The following DPH6 variants were observed in gnomAD, a reference collection of about 807,000 sequenced individuals.
DPH6 encodes the protein diphthine--ammonia ligase.
DPH6 carries 33 observed loss-of-function variants against 38.2 expected under a neutral mutation model. The ratio of observed to expected loss-of-function variants is 0.86; its 90% CI spans 0.65 to 1.15. DPH6 has a LOEUF of 1.15. Among genes scored for constraint, DPH6 ranks in the 50% most tolerant of loss-of-function variants. DPH6 has a pLI of 0.00. For synonymous variants in DPH6, 108 were observed against 103.0 expected (o/e 1.05, Z -0.30); for missense variants, 325 against 320.0 (o/e 1.02, Z -0.12).
intron 6 of DPH6, among the ~76,000 whole-genome samples, chr15:35,387,192 T>A (rs1473217458): frequency 6.6e-6 from 1 of 152,156 alleles, no homozygotes; most frequent in Non-Finnish European, 1.5e-5. Context: ...TTCTGTTCCA[T>A]TGGTCTATAT....
At chr15:35,482,741 C>T (rs2054343352) in intron 3 of DPH6, among the ~76,000 whole-genome samples, 2 of 151,988 alleles carry the variant, frequency 1.3e-5, no homozygotes, top group African/African-American at 4.8e-5. Flanking sequence ...AAGGTAAGAG[C>T]TAAAACTACA....
intron 3 of DPH6, among the ~76,000 whole-genome samples, chr15:35,492,337 G>A (rs1184396140): frequency 1.3e-5 from 2 of 152,086 alleles, no homozygotes; most frequent in African/African-American, 4.8e-5. Flanking sequence ...ATATGGGCAT[G>A]AAATTCACTA....
At chr15:35,256,019 T>C (rs1440150007) in intron 3 of DPH6, among the ~76,000 whole-genome samples, 1 of 151,956 alleles carries the variant, frequency 6.6e-6, no homozygotes, top group Non-Finnish European at 1.5e-5. Context: ...TACACACCTA[T>C]ATAACATATA....
chr15:35,538,274 C>T lies in DPH6; in HGVS notation c.312G>A (p.Lys104=). The T allele has an allele frequency of 6.5e-7, 1 of 1,531,750 alleles. No homozygotes were observed. The highest frequency in any genetic ancestry group is 8.9e-7 in the Non-Finnish European group (1 of 1,122,918). 94.9% of individuals were successfully genotyped at this position (1,531,750 alleles called of 1,614,324 possible). ...EDLYELLKLV[K]EKEEVEGISV... Reference sequence around the variant, plus strand: ...ATACTTAATTGGTTACTCTGCATACCTTAACAAGTTTCAAAAGCTCATAGA... The same window carrying T: ...ATACTTAATTGGTTACTCTGCATACTTTAACAAGTTTCAAAAGCTCATAGA... The change falls in exon 3 of 9, where the codon AAG becomes AAA. Residue 104 remains lysine, a splice_region_variant and synonymous_variant. Transcript: ENST00000256538.
chr15:35,529,573 A>G (rs372874476), intron 3 of DPH6, among the ~76,000 whole-genome samples: 3 of 152,182 alleles, frequency 2.0e-5, no homozygotes, highest in African/African-American at 4.8e-5. Context: ...CTGAACTCCC[A>G]TAACCCTTTA....
chr15:35,299,763 TAA>T (rs1176817073), intron 3 of DPH6, among the ~76,000 whole-genome samples: 3 of 152,358 alleles, frequency 2.0e-5, no homozygotes, highest in African/African-American at 4.8e-5. Context: ...TCTCTATCAC[TAA>T]GTCTCGACTT....
intron 3 of DPH6, among the ~76,000 whole-genome samples, chr15:35,460,903 T>TAAA (rs549293460): frequency 0.63 from 71,532 of 114,310 alleles, 24,775 homozygotes; most frequent in South Asian, 0.8. Flanking sequence ...CACAAACTGG[T>TAAA]AAAAAAAAAA....
Position 35,268,884 on chromosome 15 carries a change from AT to A in DPH6, n.201-48303del, listed in dbSNP as rs1329511370. ...AGGTAGGAAGAGGGCAGGAAAGACC[AT>A]TAGGCAGAGGAGAATCAAATATAAT... On this transcript the variant is annotated intron_variant and non_coding_transcript_variant, in intron 3 of 3. Coordinates refer to the DPH6 transcript ENST00000560386. 1.3e-5 allele frequency among the ~76,000 whole-genome samples: 2 copies of A among 152,222 alleles called. 1 individual carries two copies. Among genetic ancestry groups the A allele is most frequent in the Non-Finnish European group, 2.9e-5 (2 of 68,038 alleles).
the DPH6 span, among the ~76,000 whole-genome samples, chr15:35,158,366 T>C: frequency 2.0e-5 from 3 of 152,122 alleles, no homozygotes; most frequent in Admixed American, 1.3e-4. Flanking sequence ...CATTTGCTAA[T>C]GGTTTTCATG....
At chr15:35,155,863 C>G in the DPH6 span, among the ~76,000 whole-genome samples, 2 of 152,138 alleles carry the variant, frequency 1.3e-5, no homozygotes, top group East Asian at 3.9e-4. Flanking sequence ...AAGTAGACCA[C>G]TATTTTTTAA....
chr15:35,285,818 G>C lies in DPH6; in HGVS notation n.201-65236C>G, dbSNP rs139380334. Among the ~76,000 whole-genome samples the C allele has an allele frequency of 3.6e-4, 49 of 137,558 alleles. 1 individual carries two copies. The East Asian group carries it at 0.01, about 29-fold the overall frequency. The allele number at this position is 137,558 out of a possible 152,430, so 90.2% of individuals were successfully genotyped here. On this transcript the variant is annotated intron_variant and non_coding_transcript_variant, in intron 3 of 3. Coordinates refer to the DPH6 transcript ENST00000560386. ...GAAATATCTAGACTAGATTTCTCTG[G>C]CACATTCTTCCTGATGAGATTCTGG...
chr15:35,277,421 C>T lies in DPH6; in HGVS notation n.201-56839G>A, dbSNP rs536136490. Among the ~76,000 whole-genome samples the T allele has an allele frequency of 2.6e-5, 4 of 152,218 alleles. No individual in the cohort carries two copies. In the East Asian group the frequency reaches 7.7e-4, roughly 29 times the overall value. ...TGATTTGGATGCCTTTTATTTCCCC[C>T]TCTTGTCTGACTGCTCTCCAGCCTC... On this transcript the variant is annotated intron_variant and non_coding_transcript_variant, in intron 3 of 3. Transcript: ENST00000560386.
At chr15:35,252,692 CT>C (rs2051682893) in intron 3 of DPH6, among the ~76,000 whole-genome samples, 1 of 152,250 alleles carries the variant, frequency 6.6e-6, no homozygotes, top group South Asian at 2.1e-4. Flanking sequence ...GGTCTATGGT[CT>C]TGCCTAAGGG....
At chr15:35,507,361 T>C (rs1233894992) in intron 3 of DPH6, among the ~76,000 whole-genome samples, 1 of 152,018 alleles carries the variant, frequency 6.6e-6, no homozygotes, top group Non-Finnish European at 1.5e-5. Flanking sequence ...TGAATAGAAA[T>C]GTCCTTGCTG....
the DPH6 span, among the ~76,000 whole-genome samples, chr15:35,145,408 C>T: frequency 6.6e-6 from 1 of 152,168 alleles, no homozygotes; most frequent in Admixed American, 6.5e-5. Context: ...TTTGGGAAGA[C>T]CAATGACTGA....
chr15:35,468,795 C>A (rs184318917), intron 3 of DPH6, among the ~76,000 whole-genome samples: 4 of 151,932 alleles, frequency 2.6e-5, no homozygotes, highest in African/African-American at 4.8e-5. Flanking sequence ...AGGCTGGGCG[C>A]GGTGGCTCAT....
chr15:35,310,897 A>C (rs2052135837), intron 3 of DPH6, among the ~76,000 whole-genome samples: 1 of 129,288 alleles, frequency 7.7e-6, no homozygotes, highest in South Asian at 2.1e-4. Flanking sequence ...TAAAAATACA[A>C]AAAAAAAAAA....
At chr15:35,161,699 TC>T in the DPH6 span, among the ~76,000 whole-genome samples, 1 of 91,448 alleles carries the variant, frequency 1.1e-5, no homozygotes, top group Non-Finnish European at 3.0e-5. Flanking sequence ...GTGCTCGCTC[TC>T]TCTCTCTCTC....
chr15:35,230,468 C>G (rs535081724), intron 3 of DPH6, among the ~76,000 whole-genome samples: 57 of 152,242 alleles, frequency 3.7e-4, no homozygotes, highest in African/African-American at 1.3e-3. Flanking sequence ...CATCCAAAAG[C>G]GAAGTCCTGG....
Sources: allele counts gnomAD v4.1 joint callset (sites outside exome capture counted in the v4.1 genomes callset), GRCh38; gene constraint gnomAD v4.1.1; transcripts MANE v1.5; gene names NCBI Gene and HGNC (gene_info 2026-07-23, HGNC 2026-07-21).